The following SERINC2 variants were observed in gnomAD, a reference collection of about 807,000 sequenced individuals.
SERINC2 encodes the protein serine incorporator 2.
A neutral mutation model predicts 54.2 loss-of-function variants in SERINC2; 56 were observed. That is an observed-to-expected ratio of 1.03 (90% CI 0.83 to 1.29). The LOEUF (loss-of-function observed/expected upper bound fraction) is 1.29, where lower values mean the gene tolerates loss of function less well. Ranked by LOEUF, SERINC2 falls within the 50% of genes most tolerant of loss-of-function variation. The pLI, the probability that SERINC2 is intolerant of heterozygous loss-of-function variation, is 0.00. For missense variants in SERINC2, 614 were observed against 607.4 expected, an observed-to-expected ratio of 1.01 and a Z score of -0.12; for synonymous variants, 272 against 253.1, an observed-to-expected ratio of 1.07 and a Z score of -0.71.
chr1:31,413,718 CCGG>C lies in SERINC2; in HGVS notation c.39+415_39+417del. 1 of 1,271,604 alleles carries C rather than the reference CCGG, an allele frequency of 7.9e-7. No individual in the cohort carries two copies. The highest frequency in any genetic ancestry group is 9.9e-7 in the Non-Finnish European group (1 of 1,006,892). The allele number at this position is 1,271,604 out of a possible 1,614,324, so 78.8% of individuals were successfully genotyped here. On this transcript the variant is annotated intron_variant, in intron 1 of 9. Coordinates refer to ENST00000373709, the MANE Select transcript of SERINC2 (RefSeq NM_178865.5). This position sits in a 1 kb window ranked among gnomAD's most constrained non-coding sequence, Gnocchi z 5.0. ...CGCCCTGGTTCTCTGTGTAGGTCGCCCGGGCCCCGTCCCTCCTGGCGAGTGCCC... is the reference window on the plus strand; with the variant it reads ...CGCCCTGGTTCTCTGTGTAGGTCGCCGCCCCGTCCCTCCTGGCGAGTGCCC...
In SERINC2 at chr1:31,432,110, A is replaced by AGAGGG. The variant is rs1557501312; in HGVS notation, c.1014-857_1014-856insGAGGG. ...AGGGTGGACAGGGTGGACAGGGTGG[A>AGAGGG]TAGGGTGGTTAGGGTGGATAGGGTG... On this transcript the variant is annotated intron_variant, in intron 8 of 9. Coordinates refer to ENST00000373709, the MANE Select transcript of SERINC2 (RefSeq NM_178865.5). Among the ~76,000 whole-genome samples, 13 of 100,084 alleles carry AGAGGG rather than the reference A, an allele frequency of 1.3e-4. 1 individual carries two copies. The highest frequency in any genetic ancestry group is 3.6e-4 in the South Asian group (1 of 2,806). The allele number at this position is 100,084 out of a possible 152,430, so 65.7% of individuals were successfully genotyped here. A position where few individuals can be genotyped will look rare whatever the true frequency, so the allele number is the denominator to read the frequency against.
At chr1:31,432,730 G>A (rs763372769) in intron 8 of SERINC2, among the ~76,000 whole-genome samples, 52 of 152,224 alleles carry the variant, frequency 3.4e-4, no homozygotes, top group Admixed American at 7.2e-4. Context: ...GAGGAGGTAC[G>A]ATTATCCCTT....
upstream of SERINC2, chr1:31,409,875 T>G: frequency 1.3e-6 from 2 of 1,541,676 alleles, no homozygotes; most frequent in Middle Eastern, 1.7e-4. Context: ...GGGGAGAGAA[T>G]GGATTGGGGG....
chr1:31,413,395 C>T lies in SERINC2; in HGVS notation c.39+91C>T. ...TCTGTTCTGCTCCGAGTAGTTTCTT[C>T]TTTTTCCTTCCTGCAAACTTGTCTT... On this transcript the variant is annotated intron_variant, in intron 1 of 9. Coordinates refer to ENST00000373709, the MANE Select transcript of SERINC2 (RefSeq NM_178865.5). The surrounding 1 kb of genome is among the most constrained non-coding windows in gnomAD (Gnocchi z 5.0). 2 of 715,088 alleles carry T rather than the reference C, an allele frequency of 2.8e-6. No homozygotes were observed. The highest frequency in any genetic ancestry group is 3.8e-6 in the Non-Finnish European group (2 of 523,348). 44.3% of individuals were successfully genotyped at this position (715,088 alleles called of 1,614,324 possible). A position where few individuals can be genotyped will look rare whatever the true frequency, so the allele number is the denominator to read the frequency against.
intron 9 of SERINC2, among the ~76,000 whole-genome samples, chr1:31,433,504 T>C (rs1468070177): frequency 1.3e-5 from 2 of 151,650 alleles, no homozygotes; most frequent in Non-Finnish European, 2.9e-5. Flanking sequence ...GGTTGGAGGG[T>C]TAGGATCAGG....
At chr1:31,410,239 C>A (rs1640624994), upstream of SERINC2, 7 of 1,469,922 alleles carry the variant, frequency 4.8e-6, no homozygotes, top group South Asian at 8.7e-5. Context: ...TACTCTGGCC[C>A]CATGCAGGAG....
intron 1 of SERINC2, among the ~76,000 whole-genome samples, chr1:31,417,852 C>CTTTT (rs3050463): frequency 0.13 from 12,584 of 95,508 alleles, 1,840 homozygotes; most frequent in African/African-American, 0.25. Flanking sequence ...AAATTTCATT[C>CTTTT]TTTTTTTTTT....
Position 31,413,379 on chromosome 1 carries a change from C to T in SERINC2, c.39+75C>T. ...CGGGCCCTCACTTTCTTCTGTTCTG[C>T]TCCGAGTAGTTTCTTCTTTTTCCTT... On this transcript the variant is annotated intron_variant, in intron 1 of 9. Transcript: ENST00000373709. The surrounding 1 kb of genome is among the most constrained non-coding windows in gnomAD (Gnocchi z 5.0). 1.2e-6 allele frequency: 1 copy of T among 824,786 alleles called. No homozygotes were observed. The highest frequency in any genetic ancestry group is 1.6e-6 in the Non-Finnish European group (1 of 615,924). The allele number at this position is 824,786 out of a possible 1,614,324, so 51.1% of individuals were successfully genotyped here. A position where few individuals can be genotyped will look rare whatever the true frequency, so the allele number is the denominator to read the frequency against.
At chr1:31,432,109 G>C (rs199602198) in intron 8 of SERINC2, among the ~76,000 whole-genome samples, 33 of 132,346 alleles carry the variant, frequency 2.5e-4, no homozygotes, top group Non-Finnish European at 2.9e-4. Flanking sequence ...GGACAGGGTG[G>C]ATAGGGTGGT....
At chr1:31,416,242 G>A (rs532044918) in intron 1 of SERINC2, among the ~76,000 whole-genome samples, 197 of 152,260 alleles carry the variant, frequency 1.3e-3, no homozygotes, top group Non-Finnish European at 2.1e-3. Context: ...TGCAGTGGCC[G>A]GTCCATAAAC....
At chr1:31,420,945 G>A (rs1640889607) in intron 1 of SERINC2, among the ~76,000 whole-genome samples, 1 of 152,100 alleles carries the variant, frequency 6.6e-6, no homozygotes, top group Non-Finnish European at 1.5e-5. Context: ...TCTGTAAAAT[G>A]GGACTAATAA....
chr1:31,410,360 A>G, upstream of SERINC2: 1 of 1,547,492 alleles, frequency 6.5e-7, no homozygotes, highest in Non-Finnish European at 8.7e-7. Flanking sequence ...TAGCTGGGGT[A>G]AAAAAACTTA....
chr1:31,425,506 C>G (rs1641016071), intron 4 of SERINC2, 97 bp downstream of exon 4: 1 of 1,000,522 alleles, frequency 1.0e-6, no homozygotes. Context: ...CTGGGGCACA[C>G]AGACCCCTGG....
At chr1:31,420,012 A>AT (rs1640868332) in intron 1 of SERINC2, among the ~76,000 whole-genome samples, 3 of 114,586 alleles carry the variant, frequency 2.6e-5, no homozygotes, top group African/African-American at 1.0e-4. Context: ...CTGTCTCAAA[A>AT]ATTTTTCCCC....
At chr1:31,427,824 CTTTTTT>C (rs71035099) in intron 6 of SERINC2, among the ~76,000 whole-genome samples, 1 of 76,570 alleles carries the variant, frequency 1.3e-5, no homozygotes, top group Non-Finnish European at 2.8e-5. Context: ...TTCTTTCTTT[CTTTTTT>C]TTTTTTTTTT....
rs1557501549 is a variant in SERINC2 at position 31,432,146 on chromosome 1, ACAGGG to A, written c.1014-820_1014-816del. ...AGGGTGGATAGGGTGGACAGGGTGG[ACAGGG>A]TGGACAGGGTGGATAGGGTGGATAG... On this transcript the variant is annotated intron_variant, in intron 8 of 9. Transcript: ENST00000373709. Among the ~76,000 whole-genome samples, 106 of 114,890 alleles carry A rather than the reference ACAGGG, an allele frequency of 9.2e-4. 16 individuals carry two copies. The highest frequency in any genetic ancestry group is 1.2e-3 in the Non-Finnish European group (71 of 56,860). The allele number at this position is 114,890 out of a possible 152,430, so 75.4% of individuals were successfully genotyped here.
chr1:31,432,176 G>T (rs1641308430), intron 8 of SERINC2, among the ~76,000 whole-genome samples: 1 of 149,990 alleles, frequency 6.7e-6, no homozygotes, highest in East Asian at 2.0e-4. Flanking sequence ...AGGGTGGATA[G>T]GGTGGATAGG....
At chr1:31,433,889 A>G (rs1442699085) in intron 9 of SERINC2, among the ~76,000 whole-genome samples, 175 bp from the exon 10 acceptor site, 1 of 152,218 alleles carries the variant, frequency 6.6e-6, no homozygotes, top group African/African-American at 2.4e-5. Flanking sequence ...AATCGAGGTC[A>G]GGAGCTATGT....
intron 6 of SERINC2, 45 bp downstream of exon 6, chr1:31,426,868 TG>T: frequency 6.4e-7 from 1 of 1,560,892 alleles, no homozygotes; most frequent in South Asian, 1.1e-5. Context: ...GGCCCCTTAG[TG>T]GGTGGGACTT....
Sources: allele counts gnomAD v4.1 joint callset (sites outside exome capture counted in the v4.1 genomes callset), GRCh38; gene constraint gnomAD v4.1.1; non-coding constraint Gnocchi (gnomAD v3.1); transcripts MANE v1.5; gene names NCBI Gene and HGNC (gene_info 2026-07-23, HGNC 2026-07-21).